Variants in PRORP observed in about 807,000 individuals in gnomAD.
PRORP encodes the protein mitochondrial ribonuclease P catalytic subunit.
Under a neutral mutation model 59.4 loss-of-function variants are expected in PRORP, and 51 were observed. The observed-to-expected ratio is 0.86, with a 90% CI of 0.69 to 1.08. PRORP has a LOEUF of 1.08. PRORP is among the 50% of genes least tolerant of loss of function. PRORP has a pLI of 0.00. For synonymous variants in PRORP, 231 were observed against 245.6 expected (o/e 0.94, Z 0.55); for missense variants, 646 against 690.3 (o/e 0.94, Z 0.72).
intron 4 of PRORP, chr14:35,158,896 G>A: frequency 3.3e-6 from 1 of 302,330 alleles, no homozygotes; most frequent in Non-Finnish European, 6.4e-6. Context: ...GTTGATTAAT[G>A]TTGTCTTTCC....
At chr14:35,205,465 C>A (rs2049267892) in intron 5 of PRORP, among the ~76,000 whole-genome samples, 1 of 152,148 alleles carries the variant, frequency 6.6e-6, no homozygotes, top group Non-Finnish European at 1.5e-5. Flanking sequence ...GCTGGGATTA[C>A]AGGCGTGAGG....
intron 4 of PRORP, among the ~76,000 whole-genome samples, chr14:35,135,135 C>G (rs975944626): frequency 3.3e-5 from 5 of 152,244 alleles, no homozygotes; most frequent in African/African-American, 1.2e-4. Context: ...GAGTCTTTCT[C>G]TGCACCACAT....
intron 5 of PRORP, among the ~76,000 whole-genome samples, chr14:35,265,917 T>G (rs1259062048): frequency 6.6e-6 from 1 of 151,396 alleles, no homozygotes; most frequent in Non-Finnish European, 1.5e-5. Flanking sequence ...GGCTCACACC[T>G]GTAATCCAGG....
Position 35,270,488 on chromosome 14 carries a change from C to A in PRORP, c.1512C>A (p.His504Gln). 11 of 1,614,154 alleles carry A rather than the reference C, an allele frequency of 6.8e-6. No individual in the cohort carries two copies. The highest frequency in any genetic ancestry group is 9.3e-6 in the Non-Finnish European group (11 of 1,180,032). ...RFITRDLMRDHKACLPDAKTQ... is the reference protein window; with the variant it reads ...RFITRDLMRDQKACLPDAKTQ... Reference sequence around the variant, plus strand: ...TCACAAGAGACCTGATGCGGGACCACAAGGCCTGTCTGCCTGATGCCAAGA... The same window carrying A: ...TCACAAGAGACCTGATGCGGGACCAAAAGGCCTGTCTGCCTGATGCCAAGA... Residue 504 changes from histidine to glutamine, a missense_variant, in exon 7 of 8, where the codon CAC becomes CAA. Transcript: ENST00000534898.
chr14:35,137,941 G>GT (rs1412922039), intron 4 of PRORP, among the ~76,000 whole-genome samples: 1 of 145,050 alleles, frequency 6.9e-6, no homozygotes, highest in Non-Finnish European at 1.5e-5. Context: ...TTGGTTGGTT[G>GT]TTTTTTTTCC....
chr14:35,169,086 TTTC>T (rs1452983709), intron 4 of PRORP, among the ~76,000 whole-genome samples: 3 of 100,648 alleles, frequency 3.0e-5, no homozygotes, highest in East Asian at 2.0e-4. Flanking sequence ...ATGACCTTTC[TTTC>T]TTTTTTTTTT....
chr14:35,141,905 T>G (rs1027930132), intron 4 of PRORP, among the ~76,000 whole-genome samples: 4 of 140,330 alleles, frequency 2.9e-5, no homozygotes, highest in African/African-American at 1.0e-4. Flanking sequence ...TAAGACGGAG[T>G]GTTGCTGTTG....
chr14:35,189,804 A>T (rs1008971116), intron 5 of PRORP, among the ~76,000 whole-genome samples: 14 of 152,126 alleles, frequency 9.2e-5, no homozygotes, highest in Non-Finnish European at 1.6e-4. Flanking sequence ...ATGAGATAAA[A>T]TTTTTTTAAA....
In PRORP at chr14:35,194,929, C is replaced by T. The variant is rs527569331; in HGVS notation, c.1275+14152C>T. 2.0e-5 allele frequency among the ~76,000 whole-genome samples: 3 copies of T among 152,068 alleles called. No individual in the cohort carries two copies. In the East Asian group the frequency reaches 5.8e-4, roughly 29 times the overall value. On this transcript the variant is annotated intron_variant, in intron 5 of 7. Coordinates refer to ENST00000534898, the MANE Select transcript of PRORP (RefSeq NM_014672.4). ...AAAGAAAATCGTAAATTGTAACTATCTGCATAATTAAGAAGGCAAGAAAAT... is the reference window on the plus strand; with the variant it reads ...AAAGAAAATCGTAAATTGTAACTATTTGCATAATTAAGAAGGCAAGAAAAT...
intron 4 of PRORP, among the ~76,000 whole-genome samples, chr14:35,172,230 G>T (rs1447855008): frequency 6.6e-6 from 1 of 151,646 alleles, no homozygotes; most frequent in South Asian, 2.1e-4. Context: ...TGTATTTTTA[G>T]TAGAGACGGG....
At chr14:35,179,401 A>C (rs935757343) in intron 4 of PRORP, among the ~76,000 whole-genome samples, 1 of 152,126 alleles carries the variant, frequency 6.6e-6, no homozygotes. Context: ...TGGTCTTTTC[A>C]TATAGTCCCA....
intron 5 of PRORP, among the ~76,000 whole-genome samples, chr14:35,233,069 CTCTT>C (rs1307461464): frequency 1.3e-5 from 2 of 152,094 alleles, no homozygotes; most frequent in African/African-American, 4.8e-5. Flanking sequence ...AAATCCATCT[CTCTT>C]CTGTGCTCTC....
intron 5 of PRORP, among the ~76,000 whole-genome samples, chr14:35,238,451 G>A (rs938655002): frequency 1.3e-5 from 2 of 152,100 alleles, no homozygotes; most frequent in Admixed American, 6.6e-5. Context: ...CCAGGTTGTA[G>A]GAAAGTTAAC....
intron 5 of PRORP, among the ~76,000 whole-genome samples, chr14:35,253,235 G>A (rs1257807076): frequency 6.6e-6 from 1 of 151,720 alleles, no homozygotes; most frequent in Non-Finnish European, 1.5e-5. Context: ...TCAGGAGGTG[G>A]AGGCGAATCA....
intron 4 of PRORP, among the ~76,000 whole-genome samples, chr14:35,129,179 G>A (rs987998116): frequency 6.6e-6 from 1 of 151,990 alleles, no homozygotes; most frequent in African/African-American, 2.4e-5. Context: ...TTGCACTCCA[G>A]CTTGGGCAAC....
chr14:35,158,966 C>A (rs141497186), intron 4 of PRORP: 75 of 347,360 alleles, frequency 2.2e-4, no homozygotes, highest in African/African-American at 1.6e-3. Flanking sequence ...TCTCTGGATA[C>A]TTGATTTGGG....
intron 5 of PRORP, among the ~76,000 whole-genome samples, chr14:35,241,573 C>T (rs2050370244): frequency 6.6e-6 from 1 of 152,132 alleles, no homozygotes; most frequent in Non-Finnish European, 1.5e-5. Flanking sequence ...CAATACATTC[C>T]AAACCTCAGT....
intron 5 of PRORP, chr14:35,262,452 T>C (rs1036648167): frequency 2.2e-6 from 1 of 446,746 alleles, no homozygotes; most frequent in Non-Finnish European, 4.1e-6. Context: ...CCATGTCTAC[T>C]GAGAGAACGA....
intron 5 of PRORP, among the ~76,000 whole-genome samples, chr14:35,249,291 G>C (rs931209039): frequency 6.6e-6 from 1 of 152,050 alleles, no homozygotes; most frequent in Non-Finnish European, 1.5e-5. Context: ...CACATAAAAA[G>C]TGAAGATGGG....
Sources: allele counts gnomAD v4.1 joint callset (sites outside exome capture counted in the v4.1 genomes callset), GRCh38; gene constraint gnomAD v4.1.1; transcripts MANE v1.5; gene names NCBI Gene and HGNC (gene_info 2026-07-23, HGNC 2026-07-21).